The following ANKRD28 variants were observed in gnomAD, a reference collection of about 807,000 sequenced individuals.
The protein encoded by ANKRD28 is ankyrin repeat domain 28.
Under a neutral mutation model 126.5 loss-of-function variants are expected in ANKRD28, and 44 were observed. The observed-to-expected ratio is 0.35, with a 90% CI of 0.27 to 0.45. The LOEUF is 0.45. Among genes scored for constraint, ANKRD28 ranks in the 20% least tolerant of loss-of-function variants. ANKRD28 has a pLI of 1.00. For synonymous variants in ANKRD28, 442 were observed against 468.5 expected (o/e 0.94, Z 0.73); for missense variants, 1,110 against 1,316.6 (o/e 0.84, Z 2.43).
At chr3:15,715,863 A>C (rs915735062) in intron 8 of ANKRD28, among the ~76,000 whole-genome samples, 7 of 151,898 alleles carry the variant, frequency 4.6e-5, no homozygotes, top group African/African-American at 1.7e-4. Context: ...ACCAGTTGTT[A>C]TTTGTTCAAC....
At chr3:15,718,046 G>A (rs1426301595) in intron 8 of ANKRD28, among the ~76,000 whole-genome samples, 8 of 152,112 alleles carry the variant, frequency 5.3e-5, no homozygotes, top group Admixed American at 5.2e-4. Context: ...CAAGTGTAAA[G>A]TGTCCCCATA....
intron 1 of ANKRD28, among the ~76,000 whole-genome samples, chr3:15,829,437 ATC>A (rs2061141911): frequency 6.6e-6 from 1 of 152,180 alleles, no homozygotes; most frequent in Non-Finnish European, 1.5e-5. Flanking sequence ...GACAAGTGAT[ATC>A]TCTTAGAAGT....
chr3:15,710,621 T>C (rs375016300), intron 12 of ANKRD28, among the ~76,000 whole-genome samples: 149 of 152,328 alleles, frequency 9.8e-4, no homozygotes, highest in African/African-American at 3.5e-3. Context: ...ATGAATTAAA[T>C]GGCTTATCAC....
Position 15,843,419 on chromosome 3 carries a change from T to G in ANKRD28, c.27+15958A>C, listed in dbSNP as rs1324655936. Among the ~76,000 whole-genome samples, 1 of 152,116 alleles carries G rather than the reference T, an allele frequency of 6.6e-6. No individual in the cohort carries two copies. Among genetic ancestry groups the G allele is most frequent in the African/African-American group, 2.4e-5 (1 of 41,402 alleles). ...AACTCTATCACCTGGTTTTGCCCCATCTGAGCATCAGAATCTTAATAGCGT... is the reference window on the plus strand; with the variant it reads ...AACTCTATCACCTGGTTTTGCCCCAGCTGAGCATCAGAATCTTAATAGCGT... On this transcript the variant is annotated intron_variant, in intron 1 of 27. Transcript: ENST00000399451. The surrounding 1 kb of genome is among the most constrained non-coding windows in gnomAD (Gnocchi z 5.2).
At chr3:15,742,011 T>C (rs528390039) in intron 4 of ANKRD28, among the ~76,000 whole-genome samples, 13,747 of 152,144 alleles carry the variant, frequency 0.09, 666 homozygotes, top group African/African-American at 0.12. Flanking sequence ...GGTGCCGGGA[T>C]TGCAGACGGA....
chr3:15,676,775 T>G (rs2066983330), intron 26 of ANKRD28, 199 bp downstream of exon 26: 2 of 430,406 alleles, frequency 4.6e-6, no homozygotes, highest in Non-Finnish European at 8.3e-6. Flanking sequence ...TATAATAAAA[T>G]TTCAGTTCAA....
At chr3:15,762,188 TAAAAAAAAA>T (rs1163421626) in intron 3 of ANKRD28, among the ~76,000 whole-genome samples, 1 of 64,980 alleles carries the variant, frequency 1.5e-5, no homozygotes, top group Non-Finnish European at 2.9e-5. Flanking sequence ...ACTATGTCTT[TAAAAAAAAA>T]AAAAAAAAAA....
At chr3:15,721,866 T>A (rs919210673) in intron 7 of ANKRD28, among the ~76,000 whole-genome samples, 1 of 152,088 alleles carries the variant, frequency 6.6e-6, no homozygotes, top group African/African-American at 2.4e-5. Context: ...TGCCTCAGCC[T>A]CCTGAGTAAC....
Position 15,708,985 on chromosome 3 carries a change from C to T in ANKRD28, c.1406+683G>A, listed in dbSNP as rs142422654. Among the ~76,000 whole-genome samples the T allele has an allele frequency of 2.8e-3, 433 of 152,316 alleles. 1 individual carries two copies. Among genetic ancestry groups the T allele is most frequent in the Middle Eastern group, 0.01 (3 of 294 alleles). ...GTCATCTCTTTCAAACCAATTCCAA[C>T]TGCCTTCAATTCTTTCCTGTATGGT... On this transcript the variant is annotated intron_variant, in intron 13 of 27. Transcript: ENST00000683139.
chr3:15,701,150 C>T (rs1264658828), intron 14 of ANKRD28, among the ~76,000 whole-genome samples: 1 of 152,160 alleles, frequency 6.6e-6, no homozygotes, highest in East Asian at 1.9e-4. Flanking sequence ...AACTCTAGCT[C>T]ACAAATATAT....
Position 15,669,238 on chromosome 3 carries a change from A to C in ANKRD28, c.*1032T>G, listed in dbSNP as rs1243414248. ...TTTCCTTTTGATTATTCACTTTTTCAAAACTCATAGATCAGAATAAACAAA... is the reference window on the plus strand; with the variant it reads ...TTTCCTTTTGATTATTCACTTTTTCCAAACTCATAGATCAGAATAAACAAA... On this transcript the variant is annotated 3_prime_UTR_variant, in exon 28 of 28. Coordinates refer to ENST00000683139, the MANE Select transcript of ANKRD28 (RefSeq NM_001349278.2). 1 of 152,188 alleles carries C rather than the reference A, an allele frequency of 6.6e-6. No individual in the cohort carries two copies. Among genetic ancestry groups the C allele is most frequent in the Non-Finnish European group, 1.5e-5 (1 of 68,028 alleles). 9.4% of individuals were successfully genotyped at this position (152,188 alleles called of 1,614,324 possible). A position where few individuals can be genotyped will look rare whatever the true frequency, so the allele number is the denominator to read the frequency against.
intron 17 of ANKRD28, 37 bp from the exon 18 acceptor site, chr3:15,690,257 T>A: frequency 6.8e-7 from 1 of 1,469,080 alleles, no homozygotes; most frequent in Non-Finnish European, 9.2e-7. Context: ...AAAACATACA[T>A]ATTTAGACTG....
chr3:15,714,704 G>T, intron 8 of ANKRD28, 48 bp from the exon 9 acceptor site: 3 of 1,368,844 alleles, frequency 2.2e-6, no homozygotes, highest in African/African-American at 1.5e-5. Context: ...TCCATAATGT[G>T]TAAACCTTAG....
At chr3:15,800,466 T>G (rs1290817257), upstream of ANKRD28, among the ~76,000 whole-genome samples, 6 of 152,130 alleles carry the variant, frequency 3.9e-5, no homozygotes, top group Non-Finnish European at 8.8e-5. Context: ...ATATTTGGGA[T>G]AGCTGAATGA....
At chr3:15,697,793 T>C (rs191652125) in intron 14 of ANKRD28, among the ~76,000 whole-genome samples, 68 of 152,318 alleles carry the variant, frequency 4.5e-4, no homozygotes, top group Non-Finnish European at 1.9e-4. Context: ...TTGGAATAGT[T>C]TCAGAAGGAA....
In ANKRD28 at chr3:15,812,030, G is replaced by C. The variant is rs1575752465; in HGVS notation, c.28-16724C>G. The stretch of plus-strand genomic sequence containing the variant: ...TAGCCAGGCGTGGTGGTACGCACCT[G>C]TAGTCCCAGCTACTCAGGAGGCTGA... On this transcript the variant is annotated intron_variant, in intron 1 of 27. Coordinates refer to the ANKRD28 transcript ENST00000399451. This position sits in a 1 kb window ranked among gnomAD's most constrained non-coding sequence, Gnocchi z 4.1. 6.6e-6 allele frequency among the ~76,000 whole-genome samples: 1 copy of C among 152,084 alleles called. No homozygotes were observed. Among genetic ancestry groups the C allele is most frequent in the African/African-American group, 2.4e-5 (1 of 41,514 alleles).
chr3:15,830,311 T>A lies in ANKRD28; in HGVS notation c.27+29066A>T, dbSNP rs1450173588. Among the ~76,000 whole-genome samples the A allele has an allele frequency of 1.3e-5, 2 of 152,138 alleles. No homozygotes were observed. Among genetic ancestry groups the A allele is most frequent in the African/African-American group, 4.8e-5 (2 of 41,424 alleles). Reference sequence around the variant, plus strand: ...CTATGAGAAGTCTCTTAGACCAGGGTCCCTAACCCCTGGACTGAGGACTGC... The same window carrying A: ...CTATGAGAAGTCTCTTAGACCAGGGACCCTAACCCCTGGACTGAGGACTGC... On this transcript the variant is annotated intron_variant, in intron 1 of 27. Coordinates refer to the ANKRD28 transcript ENST00000399451. This position sits in a 1 kb window ranked among gnomAD's most constrained non-coding sequence, Gnocchi z 4.5.
intron 8 of ANKRD28, among the ~76,000 whole-genome samples, chr3:15,719,017 A>G (rs2073396273): frequency 6.6e-6 from 1 of 152,220 alleles, no homozygotes; most frequent in South Asian, 2.1e-4. Context: ...TGTAATAAAT[A>G]AACTTTCTAG....
intron 10 of ANKRD28, 76 bp from the exon 11 acceptor site, chr3:15,712,298 G>C (rs2072413400): frequency 8.5e-7 from 1 of 1,182,502 alleles, no homozygotes; most frequent in Non-Finnish European, 1.2e-6. Context: ...ATTACAAAGA[G>C]ACCACTTAAG....
Sources: allele counts gnomAD v4.1 joint callset (sites outside exome capture counted in the v4.1 genomes callset), GRCh38; gene constraint gnomAD v4.1.1; non-coding constraint Gnocchi (gnomAD v3.1); transcripts MANE v1.5; gene names NCBI Gene and HGNC (gene_info 2026-07-23, HGNC 2026-07-21).